Variants in RAG1 observed in about 807,000 individuals in gnomAD.
RAG1 encodes the protein recombination activating 1.
In RAG1, 35 loss-of-function variants were observed where a neutral mutation model predicts 62.7. The observed-to-expected ratio is 0.56, with a 90% confidence interval of 0.43 to 0.74. The LOEUF is 0.74. Ranked by LOEUF, RAG1 falls within the 30% of genes least tolerant of loss-of-function variation. RAG1 has a pLI of 0.00. For synonymous variants in RAG1, 461 were observed against 470.3 expected (o/e 0.98, Z 0.26); for missense variants, 1,169 against 1,278.6 (o/e 0.91, Z 1.31).
chr11:36,566,279 C>T (rs978027523), upstream of RAG1, among the ~76,000 whole-genome samples: 4 of 152,070 alleles, frequency 2.6e-5, no homozygotes, highest in Admixed American at 1.3e-4. Context: ...CTCTGTTCAC[C>T]GTAGACTCTC....
chr11:36,563,805 C>A (rs1203394251), upstream of RAG1, among the ~76,000 whole-genome samples: 4 of 152,294 alleles, frequency 2.6e-5, no homozygotes, highest in East Asian at 5.8e-4. Flanking sequence ...AGAGCCCTCA[C>A]TGAGGCAAAC....
At chr11:36,540,773 C>T (rs997518995), downstream of RAG1, among the ~76,000 whole-genome samples, 38 of 152,148 alleles carry the variant, frequency 2.5e-4, no homozygotes, top group Non-Finnish European at 4.1e-4. Flanking sequence ...CCAAAGACTG[C>T]CCAGTCTCCG....
intron 1 of RAG1, among the ~76,000 whole-genome samples, chr11:36,512,812 A>G (rs1442543158): frequency 2.0e-5 from 3 of 152,240 alleles, no homozygotes; most frequent in African/African-American, 4.8e-5. Flanking sequence ...AAAAATGCCA[A>G]TTACTTTTGT....
intron 2 of RAG1, among the ~76,000 whole-genome samples, chr11:36,524,742 C>A (rs555809606): frequency 1.3e-5 from 2 of 152,230 alleles, no homozygotes; most frequent in South Asian, 2.1e-4. Flanking sequence ...CCACCCACCT[C>A]GGCCTTCCAA....
downstream of RAG1, among the ~76,000 whole-genome samples, chr11:36,539,730 G>A (rs548861194): frequency 2.6e-5 from 4 of 152,114 alleles, no homozygotes; most frequent in African/African-American, 4.8e-5. Context: ...TGCCCACCTC[G>A]GCCTCCCAAA....
chr11:36,513,817 C>T (rs899147643), intron 1 of RAG1, among the ~76,000 whole-genome samples: 19 of 152,300 alleles, frequency 1.2e-4, no homozygotes, highest in South Asian at 1.2e-3. Flanking sequence ...GACTTATTCA[C>T]TACTACAAGA....
chr11:36,568,030 C>CAG lies in RAG1; in HGVS notation c.-103_-102dup, dbSNP rs1333452927. 6.6e-6 allele frequency: 1 copy of CAG among 152,252 alleles called. No individual in the cohort carries two copies. The highest frequency in any genetic ancestry group is 2.4e-5 in the African/African-American group (1 of 41,466). The allele number at this position is 152,252 out of a possible 1,614,324, so 9.4% of individuals were successfully genotyped here. A position where few individuals can be genotyped will look rare whatever the true frequency, so the allele number is the denominator to read the frequency against. ...GAGAAACAAGAGGGCAAGGAGAGAGCAGAGAACACACTTTGCCTTCTCTTT... is the reference window on the plus strand; with the variant it reads ...GAGAAACAAGAGGGCAAGGAGAGAGCAGAGAGAACACACTTTGCCTTCTCTTT... On this transcript the variant is annotated 5_prime_UTR_variant, in exon 1 of 2. Coordinates refer to ENST00000299440, the MANE Select transcript of RAG1 (RefSeq NM_000448.3).
At chr11:36,518,669 C>G (rs1406103294) in intron 1 of RAG1, among the ~76,000 whole-genome samples, 1 of 152,194 alleles carries the variant, frequency 6.6e-6, no homozygotes, top group Non-Finnish European at 1.5e-5. Context: ...ATATCCTTAG[C>G]CCACTTTTTG....
At chr11:36,572,184 AACC>A (rs1283451261) in intron 1 of RAG1, among the ~76,000 whole-genome samples, 2 of 152,244 alleles carry the variant, frequency 1.3e-5, no homozygotes, top group Non-Finnish European at 2.9e-5. Flanking sequence ...CAAAAGAATT[AACC>A]CAGGCAAATT....
chr11:36,532,174 A>G (rs1860266152), intron 2 of RAG1, among the ~76,000 whole-genome samples: 1 of 152,014 alleles, frequency 6.6e-6, no homozygotes, highest in African/African-American at 2.4e-5. Context: ...AAATCACTAG[A>G]AATATTGGAA....
At chr11:36,511,196 A>G (rs758604845) in intron 1 of RAG1, among the ~76,000 whole-genome samples, 5 of 152,226 alleles carry the variant, frequency 3.3e-5, no homozygotes, top group African/African-American at 7.2e-5. Flanking sequence ...GCTCATGCCT[A>G]TAATCCCAGT....
chr11:36,524,729 G>C (rs773149072), intron 2 of RAG1, among the ~76,000 whole-genome samples: 1 of 151,998 alleles, frequency 6.6e-6, no homozygotes, highest in Non-Finnish European at 1.5e-5. Flanking sequence ...GGATTCAAGC[G>C]ACCCACCCAC....
At chr11:36,515,991 C>T (rs1465935753) in intron 1 of RAG1, among the ~76,000 whole-genome samples, 2 of 152,084 alleles carry the variant, frequency 1.3e-5, no homozygotes, top group Non-Finnish European at 2.9e-5. Flanking sequence ...GCTCATTTTT[C>T]CTGCTCTTGG....
chr11:36,535,740 C>G (rs1860316773), intron 2 of RAG1, among the ~76,000 whole-genome samples: 2 of 151,876 alleles, frequency 1.3e-5, no homozygotes, highest in Admixed American at 6.6e-5. Flanking sequence ...GCAAGACTCC[C>G]TCTCAAATAA....
At chr11:36,559,169 A>G (rs1272640357) in intron 3 of RAG1, among the ~76,000 whole-genome samples, 1 of 152,068 alleles carries the variant, frequency 6.6e-6, no homozygotes, top group African/African-American at 2.4e-5. Context: ...CTATATTATC[A>G]CATTGTTTCC....
chr11:36,520,033 C>A (rs1860054617), intron 1 of RAG1: 2 of 152,112 alleles, frequency 1.3e-5, no homozygotes, highest in African/African-American at 4.8e-5. Context: ...TATGTAAGAA[C>A]TACATTGGGA....
chr11:36,523,727 T>C (rs532010514), intron 2 of RAG1, among the ~76,000 whole-genome samples: 4 of 152,340 alleles, frequency 2.6e-5, no homozygotes, highest in African/African-American at 9.6e-5. Flanking sequence ...TTGCTGGCCA[T>C]TGCATAATTT....
At position 36,579,542 on chromosome 11, in the gene RAG1, G is replaced by C. The variant is rs1469810757; in HGVS notation, c.*3106G>C. The C allele has an allele frequency of 6.2e-6, 1 of 161,280 alleles. No homozygotes were observed. The highest frequency in any genetic ancestry group is 1.5e-5 in the Non-Finnish European group (1 of 66,912). The allele number at this position is 161,280 out of a possible 1,614,324, so 10.0% of individuals were successfully genotyped here. ...TTACATTTTGTTTAATGGCTTCCAA[G>C]AGCCTTTTTTTTTTTTGTATTTCAG... On this transcript the variant is annotated 3_prime_UTR_variant, in exon 2 of 2. Coordinates refer to ENST00000299440, the MANE Select transcript of RAG1 (RefSeq NM_000448.3).
intron 1 of RAG1, among the ~76,000 whole-genome samples, chr11:36,571,639 G>A (rs1850746707): frequency 1.3e-5 from 2 of 152,136 alleles, no homozygotes; most frequent in African/African-American, 4.8e-5. Context: ...TTTTGAGACA[G>A]AGTCCTGCTC....
Sources: allele counts gnomAD v4.1 joint callset (sites outside exome capture counted in the v4.1 genomes callset), GRCh38; gene constraint gnomAD v4.1.1; transcripts MANE v1.5; gene names NCBI Gene and HGNC (gene_info 2026-07-23, HGNC 2026-07-21).